Variants in ANKRD31 observed in about 807,000 individuals in gnomAD.
ANKRD31 encodes ankyrin repeat domain-containing protein 31.
ANKRD31 carries 147 observed loss-of-function variants against 186.0 expected under a neutral mutation model. That is an observed-to-expected ratio of 0.79 (90% confidence interval 0.69 to 0.91). The LOEUF (loss-of-function observed/expected upper bound fraction) is 0.91, where lower values mean the gene tolerates loss of function less well. ANKRD31 is among the 40% of genes least tolerant of loss of function. The pLI, the probability that ANKRD31 is intolerant of heterozygous loss-of-function variation, is 0.00. For synonymous variants in ANKRD31, 673 were observed against 736.4 expected, an observed-to-expected ratio of 0.91 and a Z score of 1.39; for missense variants, 1,986 against 2,148.8, an observed-to-expected ratio of 0.92 and a Z score of 1.50.
At chr5:75,077,052 T>C (rs1365967010) in intron 25 of ANKRD31, among the ~76,000 whole-genome samples, 1 of 152,214 alleles carries the variant, frequency 6.6e-6, no homozygotes, top group Non-Finnish European at 1.5e-5. Flanking sequence ...AATATGGTGA[T>C]GGAGTATTAC....
At chr5:75,172,731 C>G (rs778095432) in intron 10 of ANKRD31, among the ~76,000 whole-genome samples, 2 of 151,906 alleles carry the variant, frequency 1.3e-5, no homozygotes, top group African/African-American at 4.8e-5. Flanking sequence ...GGCTCTGAAA[C>G]TGAGCAATAA....
intron 23 of ANKRD31, among the ~76,000 whole-genome samples, chr5:75,089,569 T>C (rs1745772325): frequency 6.6e-6 from 1 of 152,204 alleles, no homozygotes; most frequent in South Asian, 2.1e-4. Flanking sequence ...TGGTAAACTT[T>C]AAAAGACTTT....
chr5:75,232,570 T>C (rs1758015359), intron 1 of ANKRD31, among the ~76,000 whole-genome samples: 1 of 152,194 alleles, frequency 6.6e-6, no homozygotes, highest in South Asian at 2.1e-4. Flanking sequence ...TGTGTGTTTT[T>C]TTTTTTTAAT....
intron 11 of ANKRD31, among the ~76,000 whole-genome samples, chr5:75,162,678 T>C (rs946180545): frequency 2.6e-5 from 4 of 152,146 alleles, no homozygotes; most frequent in African/African-American, 7.2e-5. Flanking sequence ...TGTACTCCCA[T>C]AATTCCCATG....
chr5:75,136,417 T>TAA (rs1750581280), intron 17 of ANKRD31, among the ~76,000 whole-genome samples: 1 of 152,044 alleles, frequency 6.6e-6, no homozygotes, highest in Non-Finnish European at 1.5e-5. Flanking sequence ...GAAAAAAAGC[T>TAA]CGTCATCACT....
At chr5:75,095,755 T>C (rs2150039155) in intron 22 of ANKRD31, among the ~76,000 whole-genome samples, 1 of 152,306 alleles carries the variant, frequency 6.6e-6, no homozygotes, top group South Asian at 2.1e-4. Context: ...ATTTCTTTTA[T>C]TATTATTGTT....
Position 75,180,810 on chromosome 5 carries a change from G to A in ANKRD31, c.1564+7683C>T, listed in dbSNP as rs1754226155. Among the ~76,000 whole-genome samples the A allele has an allele frequency of 3.9e-5, 6 of 152,050 alleles. No homozygotes were observed. In the South Asian group the frequency reaches 1.0e-3, roughly 26 times the overall value. On this transcript the variant is annotated intron_variant, in intron 10 of 25. Coordinates refer to ENST00000506364, the MANE Select transcript of ANKRD31 (RefSeq NM_001372053.1). ...AGAAAACCTAGGCAATACCATTCAG[G>A]ACATAGGCATGGGCAAGGACTTCAT... is the stretch of plus-strand genomic sequence containing the variant.
At chr5:75,102,823 C>A (rs959649487) in intron 22 of ANKRD31, among the ~76,000 whole-genome samples, 1 of 152,132 alleles carries the variant, frequency 6.6e-6, no homozygotes, top group East Asian at 1.9e-4. Context: ...TTCCAGGTAC[C>A]TTCTGCCATG....
chr5:75,222,984 G>T (rs1164712740), intron 2 of ANKRD31, among the ~76,000 whole-genome samples: 2 of 152,134 alleles, frequency 1.3e-5, no homozygotes, highest in Non-Finnish European at 2.9e-5. Context: ...GGGTCAAATG[G>T]TATTTCTAGT....
chr5:75,136,286 G>A (rs917792370), intron 17 of ANKRD31, among the ~76,000 whole-genome samples: 40 of 152,248 alleles, frequency 2.6e-4, no homozygotes, highest in African/African-American at 9.6e-4. Flanking sequence ...CTAATATCCA[G>A]ACTCTACAAA....
intron 17 of ANKRD31, among the ~76,000 whole-genome samples, chr5:75,130,185 C>A (rs568075641): frequency 2.0e-5 from 3 of 152,168 alleles, no homozygotes; most frequent in Non-Finnish European, 2.9e-5. Flanking sequence ...AAAGGTGGCA[C>A]GTCTGGAGTT....
At chr5:75,173,056 A>T (rs1489370755) in intron 10 of ANKRD31, among the ~76,000 whole-genome samples, 5 of 152,216 alleles carry the variant, frequency 3.3e-5, no homozygotes, top group African/African-American at 1.2e-4. Context: ...AGTGTGCTTC[A>T]TCACTGGGAT....
intron 10 of ANKRD31, among the ~76,000 whole-genome samples, chr5:75,179,711 T>G (rs1754126248): frequency 6.6e-6 from 1 of 152,108 alleles, no homozygotes; most frequent in Admixed American, 6.6e-5. Context: ...CTCAATAAAT[T>G]AGGTATTGAT....
chr5:75,106,653 T>C (rs2150061635), intron 21 of ANKRD31, among the ~76,000 whole-genome samples: 1 of 152,060 alleles, frequency 6.6e-6, no homozygotes, highest in East Asian at 1.9e-4. Context: ...CCAGGTATAG[T>C]ACATGGTTAA....
At chr5:75,139,623 C>T (rs1750859862) in intron 15 of ANKRD31, among the ~76,000 whole-genome samples, 1 of 151,920 alleles carries the variant, frequency 6.6e-6, no homozygotes, top group South Asian at 2.1e-4. Flanking sequence ...AAAGAGGAAA[C>T]AATAAAGGAC....
chr5:75,068,715 T>C (rs1235118893), intron 25 of ANKRD31, 51 bp from the exon 26 acceptor site: 4 of 1,435,688 alleles, frequency 2.8e-6, no homozygotes, highest in African/African-American at 2.9e-5. Flanking sequence ...AAATTTAAGA[T>C]GTAAATTTTG....
chr5:75,141,767 C>T (rs1359608781), intron 15 of ANKRD31, among the ~76,000 whole-genome samples: 2 of 152,044 alleles, frequency 1.3e-5, no homozygotes, highest in Admixed American at 6.6e-5. Flanking sequence ...TGTGCCACTG[C>T]TCTGTAGCCT....
intron 9 of ANKRD31, among the ~76,000 whole-genome samples, chr5:75,190,171 C>T (rs186230523): frequency 1.3e-5 from 2 of 152,070 alleles, no homozygotes; most frequent in Admixed American, 1.3e-4. Context: ...AGGCACATAC[C>T]ACCATGCCCA....
At chr5:75,103,889 C>G (rs2150055856) in intron 22 of ANKRD31, among the ~76,000 whole-genome samples, 1 of 152,282 alleles carries the variant, frequency 6.6e-6, no homozygotes, top group South Asian at 2.1e-4. Context: ...GGAAAAATAG[C>G]TAATGCATGC....
Sources: allele counts gnomAD v4.1 joint callset (sites outside exome capture counted in the v4.1 genomes callset), GRCh38; gene constraint gnomAD v4.1.1; transcripts MANE v1.5; gene names NCBI Gene and HGNC (gene_info 2026-07-23, HGNC 2026-07-21).